PDE4B: variants seen among roughly 807,000 people sequenced by gnomAD.
PDE4B encodes the protein 3',5'-cyclic-AMP phosphodiesterase 4B.
Under a neutral mutation model 82.2 loss-of-function variants are expected in PDE4B, and 20 were observed. That is an observed-to-expected ratio of 0.24 (90% CI 0.17 to 0.35). The LOEUF (loss-of-function observed/expected upper bound fraction) is 0.35. PDE4B is among the 10% of genes least tolerant of loss of function. PDE4B has a pLI of 1.00. For missense variants in PDE4B, 655 were observed against 907.2 expected, an observed-to-expected ratio of 0.72 and a Z score of 3.57; for synonymous variants, 320 against 318.9, an observed-to-expected ratio of 1.00 and a Z score of -0.04.
At chr1:66,140,444 A>G (rs1438621406) in intron 3 of PDE4B, among the ~76,000 whole-genome samples, 1 of 152,248 alleles carries the variant, frequency 6.6e-6, no homozygotes, top group African/African-American at 2.4e-5. Flanking sequence ...TATAATTTAA[A>G]TGTCAAAAGA....
intron 1 of PDE4B, among the ~76,000 whole-genome samples, chr1:65,860,109 C>T (rs1646436840): frequency 6.6e-6 from 1 of 152,128 alleles, no homozygotes; most frequent in Admixed American, 6.6e-5. Context: ...TATACATTTG[C>T]CATGGTGGTT....
At chr1:66,098,832 A>G (rs1221126303) in intron 3 of PDE4B, among the ~76,000 whole-genome samples, 5 of 152,078 alleles carry the variant, frequency 3.3e-5, no homozygotes, top group East Asian at 1.9e-4. Context: ...GCTATATTTC[A>G]TTATTGTGCT....
At chr1:65,845,723 GT>G (rs1324793228) in intron 1 of PDE4B, among the ~76,000 whole-genome samples, 2 of 152,142 alleles carry the variant, frequency 1.3e-5, no homozygotes, top group Non-Finnish European at 2.9e-5. Context: ...ATCCACCTAA[GT>G]GCTGTGCATG....
At chr1:66,202,632 G>A (rs1261441441) in intron 3 of PDE4B, among the ~76,000 whole-genome samples, 1 of 151,814 alleles carries the variant, frequency 6.6e-6, no homozygotes, top group Non-Finnish European at 1.5e-5. Flanking sequence ...GATCTTTGTT[G>A]GTTTAAAGTC....
chr1:65,968,339 T>C (rs961895512), intron 3 of PDE4B, among the ~76,000 whole-genome samples: 2 of 152,178 alleles, frequency 1.3e-5, no homozygotes, highest in Non-Finnish European at 1.5e-5. Flanking sequence ...TATTTATTAA[T>C]GTATTCCACA....
intron 3 of PDE4B, among the ~76,000 whole-genome samples, chr1:66,067,731 G>A (rs1270472882): frequency 6.6e-6 from 1 of 152,006 alleles, no homozygotes; most frequent in African/African-American, 2.4e-5. Flanking sequence ...TATTGCCATT[G>A]CTTTTGGTGT....
intron 3 of PDE4B, among the ~76,000 whole-genome samples, chr1:66,122,088 A>C (rs927012277): frequency 6.6e-6 from 1 of 152,102 alleles, no homozygotes; most frequent in Non-Finnish European, 1.5e-5. Context: ...ACAACTTTGA[A>C]GTCACATGGC....
chr1:65,882,625 A>G (rs1422956375), intron 1 of PDE4B, among the ~76,000 whole-genome samples: 1 of 1,010 alleles, frequency 9.9e-4, no homozygotes, highest in African/African-American at 1.1e-3. Context: ...GTAAGGGTAC[A>G]TTTAAAAAAG....
At chr1:66,099,787 A>G (rs556806132) in intron 3 of PDE4B, among the ~76,000 whole-genome samples, 1 of 152,246 alleles carries the variant, frequency 6.6e-6, no homozygotes, top group Non-Finnish European at 1.5e-5. Context: ...AAACTGACAG[A>G]GATGTGGTCT....
intron 9 of PDE4B, among the ~76,000 whole-genome samples, 156 bp from the exon 10 acceptor site, chr1:66,361,459 T>G (rs1662762706): frequency 6.6e-6 from 1 of 152,212 alleles, no homozygotes; most frequent in South Asian, 2.1e-4. Context: ...CCCCACTTAC[T>G]TTATAGAACT....
At chr1:65,965,725 T>A (rs1649783042) in intron 3 of PDE4B, among the ~76,000 whole-genome samples, 1 of 152,098 alleles carries the variant, frequency 6.6e-6, no homozygotes, top group African/African-American at 2.4e-5. Flanking sequence ...GCATAGCGTA[T>A]TATTGGCACT....
intron 3 of PDE4B, among the ~76,000 whole-genome samples, chr1:65,954,403 A>C (rs1175622075): frequency 6.6e-6 from 1 of 152,070 alleles, no homozygotes; most frequent in Non-Finnish European, 1.5e-5. Flanking sequence ...TAGCAACCTA[A>C]TTGTCATTAA....
chr1:65,815,209 C>G (rs1174158191), intron 1 of PDE4B, among the ~76,000 whole-genome samples: 2 of 132,642 alleles, frequency 1.5e-5, no homozygotes, highest in Non-Finnish European at 3.2e-5. Context: ...CCTCCCCCCT[C>G]CCCCCCACCC....
chr1:66,081,453 G>C (rs1656717132), intron 3 of PDE4B, among the ~76,000 whole-genome samples: 1 of 152,062 alleles, frequency 6.6e-6, no homozygotes, highest in Non-Finnish European at 1.5e-5. Flanking sequence ...AAGAAATTTA[G>C]TGAAAATAAG....
intron 3 of PDE4B, among the ~76,000 whole-genome samples, chr1:66,065,231 A>G (rs1176224863): frequency 6.6e-6 from 1 of 151,962 alleles, no homozygotes; most frequent in Non-Finnish European, 1.5e-5. Flanking sequence ...ATCAATCTTT[A>G]TTAATTCATC....
intron 1 of PDE4B, among the ~76,000 whole-genome samples, chr1:65,842,249 C>T (rs1646215381): frequency 6.6e-6 from 1 of 151,930 alleles, no homozygotes; most frequent in African/African-American, 2.4e-5. Context: ...TATGGTCTCT[C>T]AACATTAAGA....
chr1:66,332,292 T>C, intron 7 of PDE4B: 2 of 1,514,842 alleles, frequency 1.3e-6, no homozygotes, highest in Non-Finnish European at 1.8e-6. Context: ...AGGCGGGGGG[T>C]TGGGGGGAAA....
intron 1 of PDE4B, among the ~76,000 whole-genome samples, chr1:65,827,082 C>T (rs1646027495): frequency 6.6e-6 from 1 of 152,136 alleles, no homozygotes; most frequent in South Asian, 2.1e-4. Flanking sequence ...GTAATCATAG[C>T]AACTGCAAAC....
chr1:66,021,228 A>G (rs1653089232), intron 3 of PDE4B, among the ~76,000 whole-genome samples: 1 of 152,204 alleles, frequency 6.6e-6, no homozygotes, highest in Non-Finnish European at 1.5e-5. Flanking sequence ...CCTTTGTCAG[A>G]TGAGTAGATT....
Sources: allele counts gnomAD v4.1 joint callset (sites outside exome capture counted in the v4.1 genomes callset), GRCh38; gene constraint gnomAD v4.1.1; transcripts MANE v1.5; gene names NCBI Gene and HGNC (gene_info 2026-07-23, HGNC 2026-07-21).